The following HYI variants were observed in gnomAD, a reference collection of about 807,000 sequenced individuals.
HYI encodes putative hydroxypyruvate isomerase.
Under a neutral mutation model 39.7 loss-of-function variants are expected in HYI, and 47 were observed. The observed-to-expected ratio is 1.18, with a 90% confidence interval of 0.94 to 1.51. HYI has a LOEUF of 1.51. HYI is among the 40% of genes most tolerant of loss of function. The pLI is 0.00. For missense variants in HYI, 465 were observed against 370.3 expected (o/e 1.26, Z -2.10); for synonymous variants, 186 against 158.8 (o/e 1.17, Z -1.29).
chr1:43,451,380 A>G, intron 7 of HYI, 30 bp downstream of exon 7: 1 of 1,612,010 alleles, frequency 6.2e-7, no homozygotes, highest in Non-Finnish European at 8.5e-7. Context: ...GGGTCCCTCC[A>G]GAGCTCCCTT....
intron 3 of HYI, 61 bp downstream of exon 3, chr1:43,452,144 A>T: frequency 6.6e-7 from 1 of 1,505,958 alleles, no homozygotes; most frequent in African/African-American, 1.4e-5. Flanking sequence ...CCCACTGTGC[A>T]CCCCCTTCTC....
chr1:43,452,883 C>A, intron 2 of HYI: 1 of 1,584,570 alleles, frequency 6.3e-7, no homozygotes, highest in East Asian at 2.3e-5. Flanking sequence ...CAGGCCTCCC[C>A]ATCCCAACAG....
At chr1:43,452,072 C>T in intron 3 of HYI, 59 bp from the exon 4 acceptor site, 3 of 1,555,256 alleles carry the variant, frequency 1.9e-6, no homozygotes, top group South Asian at 1.2e-5. Context: ...CCCCATCAGT[C>T]AGTCACTGGT....
In HYI at chr1:43,453,662, C is replaced by T. The variant is rs979081780; in HGVS notation, c.132G>A (p.Thr44=). 3.2e-5 allele frequency: 47 copies of T among 1,484,614 alleles called. No individual in the cohort carries two copies. In the East Asian group the frequency reaches 1.3e-3, roughly 42 times the overall value. The allele number at this position is 1,484,614 out of a possible 1,614,324, so 92.0% of individuals were successfully genotyped here. A position where few individuals can be genotyped will look rare whatever the true frequency, so the allele number is the denominator to read the frequency against. ...GCGCGGCGCGCGCCAGCGCCTCAGG[C>T]GTCTCCGCGTACGGCCAGGCCACCT... The part of the protein sequence containing the change: ...AVEVAWPYAE[T]PEALARAARE... Residue 44 remains threonine, a synonymous_variant, in exon 1 of 8, where the codon ACG becomes ACA. Transcript: ENST00000372430.
chr1:43,453,362 T>TGGGGGGGCGGGGGG, intron 2 of HYI, 24 bp downstream of exon 2: 1 of 877,790 alleles, frequency 1.1e-6, no homozygotes, highest in Non-Finnish European at 1.4e-6. Context: ...GTCACAGGGG[T>TGGGGGGGCGGGGGG]GGGGGTGGGG....
chr1:43,451,882 C>G, intron 4 of HYI, 35 bp from the exon 5 acceptor site: 1 of 1,614,066 alleles, frequency 6.2e-7, no homozygotes, highest in Non-Finnish European at 8.5e-7. Flanking sequence ...CCGTGAGCCT[C>G]AAGAGCACAG....
chr1:43,453,217 A>G, intron 2 of HYI, 169 bp downstream of exon 2: 2 of 636,596 alleles, frequency 3.1e-6, no homozygotes, highest in East Asian at 2.7e-5. Flanking sequence ...ACAGAGTGGC[A>G]TAAGACAGAT....
At chr1:43,452,616 A>T in intron 2 of HYI, 2 of 595,612 alleles carry the variant, frequency 3.4e-6, no homozygotes, top group South Asian at 3.9e-5. Context: ...CTCACCTTTA[A>T]AAATTGTCCT....
chr1:43,452,287 C>A lies in HYI; in HGVS notation c.344G>T (p.Gly115Val), dbSNP rs368838329. The part of the protein sequence containing the change: ...IHLMAGRVPQ[G>V]ADRIAVKAEM... ...AGCCTTGACTGCTATTCGATCAGCT[C>A]CCTGGGGTACTCGGCCAGCCATCAG... Residue 115 changes from glycine (G) to valine (V), a missense_variant, in exon 3 of 8, where the codon GGA becomes GTA. Transcript: ENST00000372430. The A allele has an allele frequency of 1.2e-6, 2 of 1,614,084 alleles. No homozygotes were observed. The highest frequency in any genetic ancestry group is 1.7e-5 in the Admixed American group (1 of 60,020).
Position 43,451,981 on chromosome 1 carries a change from G to A in HYI, c.459C>T (p.Asn153=), listed in dbSNP as rs758019050. 4 of 1,611,274 alleles carry A rather than the reference G, an allele frequency of 2.5e-6. No individual in the cohort carries two copies. Among genetic ancestry groups the A allele is most frequent in the Non-Finnish European group, 2.5e-6 (3 of 1,178,138 alleles). The change falls in exon 4 of 8, where the codon AAC becomes AAT. Residue 153 remains asparagine, a synonymous_variant. Transcript: ENST00000372430. ...EDLVGLLEPI[N]TRITDPQYFL... ...AGTACTGGGGGTCAGTGATGCGGGT[G>A]TTGATGGGCTCCAGCAGTCCCACGA...
In HYI at chr1:43,451,259, GC is replaced by G; in HGVS notation, c.812del (p.Gly271AlafsTer21). On this transcript the variant is annotated frameshift_variant, in exon 8 of 8. Coordinates refer to ENST00000372430, the MANE Select transcript of HYI (RefSeq NM_001190880.3). LOFTEE classifies it high-confidence loss of function. The stretch of plus-strand genomic sequence containing the variant: ...GCCCTCACTGGCCAGCCTCTGGGTG[GC>G]CCCGCCTATCCCAGTATGAACGTAG... Reference protein sequence around the residue: ...SWLRSYWDRRGHPEAGQ With the variant: ...SWLRSYWDRRXHPEAGQ 5 of 1,613,900 alleles carry G rather than the reference GC, an allele frequency of 3.1e-6. No individual in the cohort carries two copies. The highest frequency in any genetic ancestry group is 4.2e-6 in the Non-Finnish European group (5 of 1,180,044).
At chr1:43,451,871 A>G in intron 4 of HYI, 24 bp from the exon 5 acceptor site, 1 of 1,613,976 alleles carries the variant, frequency 6.2e-7, no homozygotes, top group Non-Finnish European at 8.5e-7. Context: ...CAGGGAGGGG[A>G]CCGTGAGCCT....
rs758019050 is a variant in HYI at position 43,451,981 on chromosome 1, G to T, written c.459C>A (p.Asn153Lys). The T allele has an allele frequency of 1.6e-5, 26 of 1,611,274 alleles. No individual in the cohort carries two copies. In the South Asian group the frequency reaches 2.8e-4, roughly 17 times the overall value. Residue 153 changes from asparagine (N) to lysine (K), a missense_variant, in exon 4 of 8, where the codon AAC becomes AAA. Physicochemically the swap from Asn to Lys is moderately conservative, Grantham distance 94 (BLOSUM62 0). Transcript: ENST00000372430. ...AGTACTGGGGGTCAGTGATGCGGGT[G>T]TTGATGGGCTCCAGCAGTCCCACGA... ...EDLVGLLEPI[N>K]TRITDPQYFL...
Position 43,452,253 on chromosome 1 carries a change from C to T in HYI, c.378G>A (p.Glu126=), listed in dbSNP as rs746353743. ...ADRIAVKAEM[E]AVFLENLRHA... is the part of the protein sequence containing the mutation. ...GCCTCAGGTTCTCCAGAAAAACGGC[C>T]TCCATCTCAGCCTTGACTGCTATTC... Residue 126 remains glutamate, a synonymous_variant, in exon 3 of 8, where the codon GAG becomes GAA. Transcript: ENST00000372430. The T allele has an allele frequency of 2.5e-5, 41 of 1,614,006 alleles. No homozygotes were observed. The highest frequency in any genetic ancestry group is 3.3e-5 in the Non-Finnish European group (39 of 1,180,010).
chr1:43,453,218 T>G (rs1032761738), intron 2 of HYI, 168 bp downstream of exon 2: 5 of 636,744 alleles, frequency 7.9e-6, no homozygotes, highest in Non-Finnish European at 1.4e-5. Flanking sequence ...CAGAGTGGCA[T>G]AAGACAGATA....
In HYI at chr1:43,451,281, C is replaced by A; in HGVS notation, c.791G>T (p.Arg264Leu). ...GDTVEGLSWL[R>L]SYWDRRGHPE... Reference sequence around the variant, plus strand: ...GTGGCCCCGCCTATCCCAGTATGAACGTAGCCAACTCAAGCCCTCTACTGT... The same window carrying A: ...GTGGCCCCGCCTATCCCAGTATGAAAGTAGCCAACTCAAGCCCTCTACTGT... Residue 264 changes from arginine (R) to leucine (L), a missense_variant, in exon 8 of 8, where the codon CGT (arginine) becomes CTT (leucine). Transcript: ENST00000372430. The A allele has an allele frequency of 6.2e-7, 1 of 1,614,098 alleles. No individual in the cohort carries two copies. The highest frequency in any genetic ancestry group is 1.7e-5 in the Admixed American group (1 of 60,032).
rs1656759372 is a variant in HYI at position 43,453,928 on chromosome 1, G to A, written c.-135C>T. 2 of 1,205,880 alleles carry A rather than the reference G, an allele frequency of 1.7e-6. No individual in the cohort carries two copies. Among genetic ancestry groups the A allele is most frequent in the African/African-American group, 1.6e-5 (1 of 63,196 alleles). The allele number at this position is 1,205,880 out of a possible 1,614,324, so 74.7% of individuals were successfully genotyped here. On this transcript the variant is annotated 5_prime_UTR_variant, in exon 1 of 8. Coordinates refer to ENST00000372430, the MANE Select transcript of HYI (RefSeq NM_001190880.3). ...GAGCACTGTTCGTGGTTAGAAAAGC[G>A]AAGTGCTGTAAAAACCCGGGCCTTC...
In HYI at chr1:43,450,999, G is replaced by A. The variant is rs1417889598; in HGVS notation, c.*239C>T. ...CCACCGTCAAGTCCCTTTGCTCTCGGACCCTGGGTTTCTCATCCTTTAATG... is the reference window on the plus strand; with the variant it reads ...CCACCGTCAAGTCCCTTTGCTCTCGAACCCTGGGTTTCTCATCCTTTAATG... On this transcript the variant is annotated 3_prime_UTR_variant, in exon 8 of 8. Coordinates refer to ENST00000372430, the MANE Select transcript of HYI (RefSeq NM_001190880.3). The surrounding 1 kb of genome is among the most constrained non-coding windows in gnomAD (Gnocchi z 4.3). 1.3e-6 allele frequency: 1 copy of A among 766,806 alleles called. No individual in the cohort carries two copies. The highest frequency in any genetic ancestry group is 1.7e-5 in the Admixed American group (1 of 59,020). The allele number at this position is 766,806 out of a possible 1,614,324, so 47.5% of individuals were successfully genotyped here.
intron 5 of HYI, 33 bp from the exon 6 acceptor site, chr1:43,451,750 G>A (rs570873544): frequency 1.1e-5 from 17 of 1,613,518 alleles, no homozygotes; most frequent in South Asian, 4.4e-5. Flanking sequence ...CCGAGACCCC[G>A]CAGGCCCCGC....
Sources: allele counts gnomAD v4.1 joint callset, GRCh38; gene constraint gnomAD v4.1.1; non-coding constraint Gnocchi (gnomAD v3.1); transcripts MANE v1.5; gene names NCBI Gene and HGNC (gene_info 2026-07-23, HGNC 2026-07-21).